The following ALKBH1 variants were observed in gnomAD, a reference collection of about 807,000 sequenced individuals.
ALKBH1 encodes alkB homolog 1, histone H2A dioxygenase, also known as nucleic acid dioxygenase ALKBH1.
Under a neutral mutation model 36.6 loss-of-function variants are expected in ALKBH1, and 31 were observed. The ratio of observed to expected loss-of-function variants is 0.85; its 90% CI spans 0.64 to 1.14. The LOEUF is 1.14. Among genes scored for constraint, ALKBH1 ranks in the 50% most tolerant of loss-of-function variants. The pLI, the probability that ALKBH1 is intolerant of heterozygous loss-of-function variation, is 0.00. For missense variants in ALKBH1, 490 were observed against 497.3 expected, an observed-to-expected ratio of 0.99 and a Z score of 0.14; for synonymous variants, 183 against 186.6, an observed-to-expected ratio of 0.98 and a Z score of 0.16.
In ALKBH1 at chr14:77,673,760, G is replaced by T. The variant is rs1035268380; in HGVS notation, c.*52C>A. The T allele has an allele frequency of 5.2e-5, 80 of 1,544,144 alleles. No homozygotes were observed. The highest frequency in any genetic ancestry group is 1.4e-5 in the African/African-American group (1 of 73,172). ...AGTCCACGGCAATACACAATAACAT[G>T]ATCATTTACGGTAAGCAGGTGCCTG... On this transcript the variant is annotated 3_prime_UTR_variant, in exon 6 of 6. Coordinates refer to ENST00000216489, the MANE Select transcript of ALKBH1 (RefSeq NM_006020.3).
At chr14:77,679,028 G>C (rs1485707424) in intron 4 of ALKBH1, among the ~76,000 whole-genome samples, 2 of 151,956 alleles carry the variant, frequency 1.3e-5, no homozygotes, top group East Asian at 3.9e-4. Context: ...GTTGCCCCAG[G>C]CTGCTCTGGA....
intron 3 of ALKBH1, among the ~76,000 whole-genome samples, chr14:77,690,121 A>C (rs2080289367): frequency 3.3e-5 from 5 of 152,234 alleles, no homozygotes; most frequent in Admixed American, 3.3e-4. Context: ...GACTTACAAG[A>C]AGCAAGACAC....
rs376855235 is a variant in ALKBH1 at position 77,695,802 on chromosome 14, G to C, written c.293-902C>G. Among the ~76,000 whole-genome samples the C allele has an allele frequency of 3.3e-4, 50 of 152,310 alleles. No individual in the cohort carries two copies. The East Asian group carries it at 8.7e-3, about 26-fold the overall frequency. Reference sequence around the variant, plus strand: ...CCTAACCTCATTTTTCTCTGTAAAAGATTAATAATAGGCCGGGCGTGGTGG... The same window carrying C: ...CCTAACCTCATTTTTCTCTGTAAAACATTAATAATAGGCCGGGCGTGGTGG... On this transcript the variant is annotated intron_variant, in intron 2 of 5. Coordinates refer to ENST00000216489, the MANE Select transcript of ALKBH1 (RefSeq NM_006020.3).
At chr14:77,683,459 T>C in intron 3 of ALKBH1, 3 of 736,856 alleles carry the variant, frequency 4.1e-6, no homozygotes, top group Non-Finnish European at 7.5e-6. Context: ...TTCACAACAA[T>C]GCTAACAGCA....
Position 77,707,968 on chromosome 14 carries a change from T to C in ALKBH1, c.37A>G (p.Thr13Ala). ...KMAAAVGSVATLATEPGEDAF... is the reference protein window; with the variant it reads ...KMAAAVGSVAALATEPGEDAF... ...TCCTCCCCGGGCTCAGTCGCCAGAGTCGCCACAGAGCCCACGGCCGCTGCC... is the reference window on the plus strand; with the variant it reads ...TCCTCCCCGGGCTCAGTCGCCAGAGCCGCCACAGAGCCCACGGCCGCTGCC... The change falls in exon 1 of 6, where the codon ACT becomes GCT. Residue 13 changes from threonine to alanine, a missense_variant. Physicochemically the swap from Thr to Ala is moderately conservative, Grantham distance 58. Coordinates refer to ENST00000216489, the MANE Select transcript of ALKBH1 (RefSeq NM_006020.3). 6.2e-7 allele frequency: 1 copy of C among 1,612,748 alleles called. No individual in the cohort carries two copies. Among genetic ancestry groups the C allele is most frequent in the South Asian group, 1.1e-5 (1 of 91,000 alleles).
At chr14:77,691,666 A>G (rs924903551) in intron 3 of ALKBH1, 2 of 152,222 alleles carry the variant, frequency 1.3e-5, no homozygotes, top group African/African-American at 4.8e-5. Context: ...CCTTGACAAC[A>G]TAAGGTACGA....
At chr14:77,685,091 G>C (rs562979061) in intron 3 of ALKBH1, among the ~76,000 whole-genome samples, 37 of 152,344 alleles carry the variant, frequency 2.4e-4, no homozygotes, top group African/African-American at 8.2e-4. Flanking sequence ...GTGACAGCAT[G>C]AATAGAATCA....
chr14:77,674,225 T>C lies in ALKBH1; in HGVS notation c.757A>G (p.Ile253Val). The C allele has an allele frequency of 1.2e-6, 2 of 1,602,640 alleles. No homozygotes were observed. Among genetic ancestry groups the C allele is most frequent in the Non-Finnish European group, 1.7e-6 (2 of 1,174,258 alleles). The stretch of plus-strand genomic sequence containing the variant: ...CTTTGAAGACCACCCAGGAGAAAGA[T>C]GGCGGACTGTCCAAAGCTACAAAAA... ...LLSFSFGQSA[I>V]FLLGGLQRDE... Residue 253 changes from isoleucine to valine, a missense_variant, in exon 6 of 6, where the codon ATC becomes GTC. Coordinates refer to ENST00000216489, the MANE Select transcript of ALKBH1 (RefSeq NM_006020.3).
intron 5 of ALKBH1, 95 bp downstream of exon 5, chr14:77,675,561 T>A: frequency 8.7e-7 from 1 of 1,148,792 alleles, no homozygotes; most frequent in South Asian, 1.9e-5. Flanking sequence ...ACCACTTTTT[T>A]AAAGTTAAAT....
In ALKBH1 at chr14:77,674,228, C is replaced by T. The variant is rs138833863; in HGVS notation, c.754G>A (p.Ala252Thr). The T allele has an allele frequency of 1.6e-4, 251 of 1,599,716 alleles. No homozygotes were observed. In the African/African-American group the frequency reaches 2.4e-3, roughly 15 times the overall value. Residue 252 changes from alanine to threonine, a missense_variant, in exon 6 of 6, where the codon GCC becomes ACC. Coordinates refer to ENST00000216489, the MANE Select transcript of ALKBH1 (RefSeq NM_006020.3). ...TGAAGACCACCCAGGAGAAAGATGG[C>T]GGACTGTCCAAAGCTACAAAAAATA... ...PLLSFSFGQS[A>T]IFLLGGLQRD...
At chr14:77,691,064 G>A (rs2080294565) in intron 3 of ALKBH1, among the ~76,000 whole-genome samples, 1 of 152,086 alleles carries the variant, frequency 6.6e-6, no homozygotes, top group Non-Finnish European at 1.5e-5. Flanking sequence ...GCCTCCCAAA[G>A]TGCTGGGATT....
At chr14:77,690,723 G>T (rs1270486135) in intron 3 of ALKBH1, among the ~76,000 whole-genome samples, 2 of 151,910 alleles carry the variant, frequency 1.3e-5, no homozygotes, top group African/African-American at 2.4e-5. Context: ...TTACCTGGTC[G>T]CCTGTTGATG....
intron 2 of ALKBH1, among the ~76,000 whole-genome samples, chr14:77,702,020 C>T (rs748447029): frequency 2.0e-5 from 3 of 152,102 alleles, no homozygotes; most frequent in African/African-American, 4.8e-5. Flanking sequence ...TACTAGAGGC[C>T]GGGCGTGGTG....
At position 77,686,616 on chromosome 14, in the gene ALKBH1, C is replaced by A. The variant is rs568979281; in HGVS notation, c.456-6646G>T. On this transcript the variant is annotated intron_variant, in intron 3 of 5. Coordinates refer to ENST00000216489, the MANE Select transcript of ALKBH1 (RefSeq NM_006020.3). ...GCGCCTTATGTAAGCGTTGGCATTT[C>A]TCTTAGCAATTGTTTTTTTCTTTTT... 9.8e-4 allele frequency among the ~76,000 whole-genome samples: 149 copies of A among 152,180 alleles called. 6 individuals are homozygous for A. The South Asian group carries it at 0.03, about 30-fold the overall frequency.
intron 2 of ALKBH1, among the ~76,000 whole-genome samples, chr14:77,702,042 T>TAA (rs1490568807): frequency 6.6e-6 from 1 of 152,188 alleles, no homozygotes; most frequent in Non-Finnish European, 1.5e-5. Flanking sequence ...CTCACGCCTG[T>TAA]AATCCCAGCA....
At chr14:77,706,427 C>G (rs79219632) in intron 1 of ALKBH1, among the ~76,000 whole-genome samples, 1 of 152,158 alleles carries the variant, frequency 6.6e-6, no homozygotes, top group East Asian at 1.9e-4. Context: ...AACGACACCA[C>G]TGAGCTTTTA....
chr14:77,689,627 A>T (rs1450192200), intron 3 of ALKBH1, among the ~76,000 whole-genome samples: 1 of 152,192 alleles, frequency 6.6e-6, no homozygotes, highest in Non-Finnish European at 1.5e-5. Flanking sequence ...GAGGAAGGCA[A>T]TGGAAGGAGA....
At chr14:77,698,177 G>A (rs1433067163) in intron 2 of ALKBH1, among the ~76,000 whole-genome samples, 2 of 152,146 alleles carry the variant, frequency 1.3e-5, no homozygotes, top group Admixed American at 1.3e-4. Context: ...TGGTTTTTAA[G>A]GACTGGCAAG....
chr14:77,691,457 G>A (rs1481786030), intron 3 of ALKBH1, among the ~76,000 whole-genome samples: 1 of 152,102 alleles, frequency 6.6e-6, no homozygotes, highest in African/African-American at 2.4e-5. Flanking sequence ...GGCAAAGTTG[G>A]GAGAGCTGCC....
Sources: gnomAD v4.1 joint callset for allele counts (sites outside exome capture counted in the v4.1 genomes callset) on GRCh38, gnomAD v4.1.1 for gene constraint, MANE v1.5 for transcripts, NCBI Gene and HGNC (gene_info 2026-07-23, HGNC 2026-07-21) for gene names.